Variants in BRINP3 observed in about 807,000 individuals in gnomAD.
BRINP3 encodes the protein BMP/retinoic acid inducible neural specific 3, also known as BMP/retinoic acid-inducible neural-specific protein 3.
In BRINP3, 19 loss-of-function variants were observed where a neutral mutation model predicts 71.0. The observed-to-expected ratio is 0.27, with a 90% CI of 0.19 to 0.39. BRINP3 has a LOEUF of 0.39. Ranked by LOEUF, BRINP3 falls within the 10% of genes least tolerant of loss-of-function variation. The pLI, the probability that BRINP3 is intolerant of heterozygous loss-of-function variation, is 1.00. For missense variants in BRINP3, 959 were observed against 940.8 expected (o/e 1.02, Z -0.25); for synonymous variants, 380 against 337.7 (o/e 1.13, Z -1.37).
rs914110328 is a variant in BRINP3, at chr1:190,438,330, T to A, written c.236+16325A>T. Among the ~76,000 whole-genome samples the A allele has an allele frequency of 1.0e-3, 152 of 151,774 alleles. 1 individual carries two copies. Among genetic ancestry groups the A allele is most frequent in the Non-Finnish European group, 1.5e-3 (100 of 67,714 alleles). On this transcript the variant is annotated intron_variant, in intron 2 of 7. Transcript: ENST00000367462. ...GATAATCTCAAATATTATTTTTAGG[T>A]TTATATTTATTTAGATATAAAATAA...
chr1:190,138,032 G>T (rs977633950), intron 7 of BRINP3, among the ~76,000 whole-genome samples: 1 of 151,662 alleles, frequency 6.6e-6, no homozygotes, highest in Non-Finnish European at 1.5e-5. Context: ...TCGGCTCACC[G>T]CAACCTCTGC....
intron 2 of BRINP3, among the ~76,000 whole-genome samples, chr1:190,429,416 A>G (rs957133577): frequency 1.3e-5 from 2 of 152,184 alleles, no homozygotes; most frequent in Non-Finnish European, 2.9e-5. Flanking sequence ...TTCCCCTAAT[A>G]AAGAACTGAG....
chr1:190,454,475 T>C (rs1675852639), intron 2 of BRINP3, among the ~76,000 whole-genome samples, 180 bp downstream of exon 2: 1 of 152,202 alleles, frequency 6.6e-6, no homozygotes, highest in Non-Finnish European at 1.5e-5. Flanking sequence ...GTTTTTATCA[T>C]AATATATTAC....
intron 3 of BRINP3, among the ~76,000 whole-genome samples, chr1:190,265,776 T>C (rs534144250): frequency 3.2e-4 from 48 of 152,000 alleles, no homozygotes; most frequent in Non-Finnish European, 5.6e-4. Context: ...ATTTTTACCA[T>C]AGAATAGAAT....
At chr1:190,437,607 C>A (rs905401055) in intron 2 of BRINP3, among the ~76,000 whole-genome samples, 5 of 151,778 alleles carry the variant, frequency 3.3e-5, no homozygotes, top group African/African-American at 1.2e-4. Context: ...CACTCACGTG[C>A]AGTGGTAAGA....
chr1:190,127,741 A>G (rs1484078861), intron 7 of BRINP3, among the ~76,000 whole-genome samples: 1 of 151,848 alleles, frequency 6.6e-6, no homozygotes, highest in Non-Finnish European at 1.5e-5. Flanking sequence ...AATTATGGGT[A>G]TATATGGCAA....
intron 2 of BRINP3, among the ~76,000 whole-genome samples, chr1:190,291,988 T>A (rs1027052821): frequency 6.6e-6 from 1 of 152,120 alleles, no homozygotes; most frequent in African/African-American, 2.4e-5. Flanking sequence ...CTGTCATTTG[T>A]GGCAATATGG....
At position 190,098,349 on chromosome 1, in the gene BRINP3, T is replaced by C. The variant is rs138788970; in HGVS notation, c.1970A>G (p.Asn657Ser). The change falls in exon 8 of 8, where the codon AAC becomes AGC. Residue 657 changes from asparagine to serine, a missense_variant. Asn to Ser is a conservative substitution (Grantham distance 46). Transcript: ENST00000367462. Reference protein sequence around the residue: ...EPLEFIDPSRNLGYMKINNIQ... With the variant: ...EPLEFIDPSRSLGYMKINNIQ... ...GTTATTGATTTTCATATAGCCCAGG[T>C]TCCGGGAAGGGTCAATAAACTCCAG... is the stretch of plus-strand genomic sequence containing the variant. The C allele has an allele frequency of 9.3e-6, 15 of 1,614,022 alleles. No homozygotes were observed. Among genetic ancestry groups the C allele is most frequent in the Non-Finnish European group, 1.2e-5 (14 of 1,180,036 alleles).
At chr1:190,441,320 G>T (rs772531376) in intron 2 of BRINP3, among the ~76,000 whole-genome samples, 13 of 151,946 alleles carry the variant, frequency 8.6e-5, no homozygotes, top group Non-Finnish European at 1.3e-4. Context: ...AAGTACATCA[G>T]CATCCTTGCA....
intron 2 of BRINP3, among the ~76,000 whole-genome samples, chr1:190,335,821 T>C (rs770540751): frequency 7.9e-5 from 12 of 151,938 alleles, no homozygotes; most frequent in Non-Finnish European, 1.8e-4. Flanking sequence ...AACATGTACA[T>C]TGCCAGTTAA....
chr1:190,114,006 T>C (rs998262257), intron 7 of BRINP3, among the ~76,000 whole-genome samples: 3 of 152,164 alleles, frequency 2.0e-5, no homozygotes, highest in East Asian at 1.9e-4. Flanking sequence ...ACCAGTGATA[T>C]AGTTTGGATA....
intron 6 of BRINP3, among the ~76,000 whole-genome samples, chr1:190,217,821 A>C (rs536572980): frequency 9.2e-5 from 14 of 152,172 alleles, no homozygotes; most frequent in African/African-American, 2.4e-4. Context: ...CCTAAGATGA[A>C]CAGTCCAAAT....
chr1:190,412,243 A>G (rs1382841871), intron 2 of BRINP3, among the ~76,000 whole-genome samples: 1 of 151,960 alleles, frequency 6.6e-6, no homozygotes, highest in Non-Finnish European at 1.5e-5. Flanking sequence ...ATTACTTGGT[A>G]ATAAAACATC....
At position 190,214,818 on chromosome 1, in the gene BRINP3, C is replaced by T. The variant is rs150701328; in HGVS notation, c.961+11264G>A. The stretch of plus-strand genomic sequence containing the variant: ...CAAGGATTTGGGGAATTCTTTACTA[C>T]TGCAGGATTACCTAGCCTGTCCTTA... On this transcript the variant is annotated intron_variant, in intron 6 of 7. Transcript: ENST00000367462. 3.2e-4 allele frequency among the ~76,000 whole-genome samples: 49 copies of T among 152,074 alleles called. 1 individual carries two copies. The Middle Eastern group carries it at 0.01, about 32-fold the overall frequency.
At chr1:190,446,031 A>C (rs778255822) in intron 2 of BRINP3, among the ~76,000 whole-genome samples, 1 of 152,104 alleles carries the variant, frequency 6.6e-6, no homozygotes, top group African/African-American at 2.4e-5. Context: ...CCATATTTTT[A>C]ATTTATAGTA....
intron 1 of BRINP3, among the ~76,000 whole-genome samples, chr1:190,462,562 C>T (rs1261935315): frequency 6.6e-6 from 1 of 152,044 alleles, no homozygotes; most frequent in Non-Finnish European, 1.5e-5. Context: ...TCCCTGACTA[C>T]CTGTGAGAAA....
chr1:190,173,367 A>G (rs1228216917), intron 6 of BRINP3, among the ~76,000 whole-genome samples: 2 of 152,182 alleles, frequency 1.3e-5, no homozygotes. Flanking sequence ...TCTTGTCCTT[A>G]TTCCTTATTG....
chr1:190,133,264 C>T (rs1031122088), intron 7 of BRINP3, among the ~76,000 whole-genome samples: 2 of 152,090 alleles, frequency 1.3e-5, no homozygotes, highest in African/African-American at 2.4e-5. Flanking sequence ...AATTCATACT[C>T]ATCCATAGGA....
intron 2 of BRINP3, among the ~76,000 whole-genome samples, chr1:190,367,376 C>G (rs1158623080): frequency 6.6e-6 from 1 of 152,212 alleles, no homozygotes; most frequent in Non-Finnish European, 1.5e-5. Flanking sequence ...TGTCCCGAGG[C>G]TGCACAAATC....
Sources: gnomAD v4.1 joint callset for allele counts (sites outside exome capture counted in the v4.1 genomes callset) on GRCh38, gnomAD v4.1.1 for gene constraint, MANE v1.5 for transcripts, NCBI Gene and HGNC (gene_info 2026-07-23, HGNC 2026-07-21) for gene names.